FBXO22: variants seen among roughly 807,000 people sequenced by gnomAD.
The protein encoded by FBXO22 is F-box protein 22.
A neutral mutation model predicts 37.2 loss-of-function variants in FBXO22; 13 were observed. The ratio of observed to expected loss-of-function variants is 0.35; its 90% confidence interval spans 0.23 to 0.56. The LOEUF (loss-of-function observed/expected upper bound fraction) is 0.56. Among genes scored for constraint, FBXO22 ranks in the 20% least tolerant of loss-of-function variants. FBXO22 has a pLI of 0.87. For synonymous variants in FBXO22, 189 were observed against 189.1 expected, an observed-to-expected ratio of 1.00 and a Z score of 0.00; for missense variants, 446 against 509.9, an observed-to-expected ratio of 0.87 and a Z score of 1.21.
chr15:75,907,500 T>C (rs1439483512), intron 2 of FBXO22, among the ~76,000 whole-genome samples: 4 of 152,178 alleles, frequency 2.6e-5, no homozygotes, highest in African/African-American at 9.7e-5. Context: ...GAAAACTCTA[T>C]CCAAATCATA....
At position 75,941,276 on chromosome 15, in the gene FBXO22, AACAC is replaced by A. The variant is rs1290207544; in HGVS notation, c.*8178_*8181del. The A allele has an allele frequency of 2.0e-5, 3 of 152,210 alleles. No homozygotes were observed. The highest frequency in any genetic ancestry group is 2.1e-4 in the South Asian group (1 of 4,830). 9.4% of individuals were successfully genotyped at this position (152,210 alleles called of 1,614,324 possible). A position where few individuals can be genotyped will look rare whatever the true frequency, so the allele number is the denominator to read the frequency against. On this transcript the variant is annotated 3_prime_UTR_variant, in exon 7 of 7. Transcript: ENST00000308275. ...GGATAGCTCTTATTAAAATTAAAAAAACACACAAGTGTTGGCAAGGATGTGGAGA... is the reference window on the plus strand; with the variant it reads ...GGATAGCTCTTATTAAAATTAAAAAAACAAGTGTTGGCAAGGATGTGGAGA...
intron 4 of FBXO22, among the ~76,000 whole-genome samples, chr15:75,915,671 G>T (rs1900165465): frequency 6.6e-6 from 1 of 152,016 alleles, no homozygotes; most frequent in African/African-American, 2.4e-5. Context: ...GGAGGCCGAG[G>T]TGGGTGGATC....
chr15:75,922,007 A>G (rs1338568947), intron 5 of FBXO22, among the ~76,000 whole-genome samples: 1 of 150,962 alleles, frequency 6.6e-6, no homozygotes, highest in African/African-American at 2.4e-5. Flanking sequence ...TTTTTTTTTA[A>G]TAAGTAGGAG....
chr15:75,906,184 C>T (rs1224280001), intron 2 of FBXO22, among the ~76,000 whole-genome samples: 1 of 152,008 alleles, frequency 6.6e-6, no homozygotes, highest in Non-Finnish European at 1.5e-5. Flanking sequence ...TTCTTGTTTT[C>T]TGGCACAAGA....
intron 2 of FBXO22, among the ~76,000 whole-genome samples, chr15:75,907,307 T>A (rs1899951646): frequency 6.6e-6 from 1 of 152,188 alleles, no homozygotes; most frequent in Non-Finnish European, 1.5e-5. Context: ...AGAGTTGTTG[T>A]GAGGATTAAA....
chr15:75,907,998 T>C (rs1310774303), intron 2 of FBXO22, among the ~76,000 whole-genome samples: 1 of 152,100 alleles, frequency 6.6e-6, no homozygotes. Context: ...CAGCTTGCCA[T>C]TTGTAACTTC....
chr15:75,923,314 G>A (rs1595916639), intron 5 of FBXO22, among the ~76,000 whole-genome samples: 2 of 152,298 alleles, frequency 1.3e-5, no homozygotes, highest in Admixed American at 1.3e-4. Context: ...CAGAATTATT[G>A]TGCTCTGTGA....
intron 2 of FBXO22, among the ~76,000 whole-genome samples, chr15:75,909,124 G>A (rs1899992017): frequency 1.3e-5 from 2 of 152,058 alleles, no homozygotes; most frequent in South Asian, 4.2e-4. Context: ...ATTTAATTCA[G>A]CTGCTTTGCC....
At position 75,921,301 on chromosome 15, in the gene FBXO22, C is replaced by T. The variant is rs565193860; in HGVS notation, c.628+3907C>T. Among the ~76,000 whole-genome samples, 16 of 152,206 alleles carry T rather than the reference C, an allele frequency of 1.1e-4. No individual in the cohort carries two copies. The East Asian group carries it at 2.9e-3, about 28-fold the overall frequency. ...AGTGAGTGGTGAGTGAATGTGAAGGCCTAGCCCTGTATACTACTATATAGT... is the reference window on the plus strand; with the variant it reads ...AGTGAGTGGTGAGTGAATGTGAAGGTCTAGCCCTGTATACTACTATATAGT... On this transcript the variant is annotated intron_variant, in intron 5 of 6. Transcript: ENST00000308275.
intron 5 of FBXO22, among the ~76,000 whole-genome samples, chr15:75,921,658 C>A (rs1164858936): frequency 6.6e-6 from 1 of 151,606 alleles, no homozygotes; most frequent in African/African-American, 2.4e-5. Context: ...GACTCTATCT[C>A]AAAAAAATAA....
Position 75,933,178 on chromosome 15 carries a change from A to T in FBXO22, c.*76A>T, listed in dbSNP as rs114667891. 1,848 of 1,248,302 alleles carry T rather than the reference A, an allele frequency of 1.5e-3. 23 individuals carry two copies. The African/African-American group carries it at 0.026, about 17-fold the overall frequency. The allele number at this position is 1,248,302 out of a possible 1,614,324, so 77.3% of individuals were successfully genotyped here. On this transcript the variant is annotated 3_prime_UTR_variant, in exon 7 of 7. Coordinates refer to ENST00000308275, the MANE Select transcript of FBXO22 (RefSeq NM_147188.3). ...GAAAATGGAAACTTGGGCCATGTGT[A>T]TTTCAAACAAAAATAACTTTAGATA...
At chr15:75,918,557 A>G (rs1045676259) in intron 5 of FBXO22, among the ~76,000 whole-genome samples, 1 of 152,172 alleles carries the variant, frequency 6.6e-6, no homozygotes, top group African/African-American at 2.4e-5. Context: ...CTGCACTCCC[A>G]TGTTTATTGC....
At chr15:75,926,413 T>A (rs1293834294) in intron 5 of FBXO22, among the ~76,000 whole-genome samples, 3 of 152,212 alleles carry the variant, frequency 2.0e-5, no homozygotes, top group African/African-American at 7.2e-5. Context: ...AGCCATCTGC[T>A]CTATCAGGCA....
chr15:75,926,677 G>A (rs753950544), intron 5 of FBXO22, among the ~76,000 whole-genome samples: 15 of 152,152 alleles, frequency 9.9e-5, no homozygotes, highest in Non-Finnish European at 1.9e-4. Flanking sequence ...AGTCACAAAC[G>A]AGTGGCTGTG....
At chr15:75,912,855 T>C (rs1900092397) in intron 2 of FBXO22, among the ~76,000 whole-genome samples, 1 of 152,210 alleles carries the variant, frequency 6.6e-6, no homozygotes, top group South Asian at 2.1e-4. Flanking sequence ...AATTGTGATG[T>C]TAGGGTGTCA....
chr15:75,931,849 A>T (rs908146023), intron 6 of FBXO22, among the ~76,000 whole-genome samples: 1 of 152,274 alleles, frequency 6.6e-6, no homozygotes, highest in Non-Finnish European at 1.5e-5. Context: ...AATAAACAAG[A>T]CAAAAAAATA....
intron 5 of FBXO22, 45 bp downstream of exon 5, chr15:75,917,439 A>G: frequency 7.0e-7 from 1 of 1,426,946 alleles, no homozygotes; most frequent in South Asian, 1.3e-5. Flanking sequence ...TTATTGATTA[A>G]TTTTGTTTTC....
At chr15:75,928,929 C>G (rs1307522498) in intron 5 of FBXO22, among the ~76,000 whole-genome samples, 2 of 152,194 alleles carry the variant, frequency 1.3e-5, no homozygotes, top group African/African-American at 4.8e-5. Flanking sequence ...CGCCTTTACT[C>G]TCACCTGCTT....
Position 75,932,849 on chromosome 15 carries a change from T to G in FBXO22, c.959T>G (p.Ile320Ser). The G allele has an allele frequency of 6.2e-7, 1 of 1,614,272 alleles. No individual in the cohort carries two copies. The highest frequency in any genetic ancestry group is 2.2e-5 in the East Asian group (1 of 44,890). ...KAANIPEHNT[I>S]GFMFACVGRG... is the part of the protein sequence containing the mutation. ...GCCAACATTCCAGAGCATAACACCA[T>G]TGGCTTCATGTTTGCATGCGTTGGC... Residue 320 changes from isoleucine to serine, a missense_variant, in exon 7 of 7, where the codon ATT becomes AGT. By Grantham distance (142) the Ile-to-Ser change is moderately radical. This residue lies in a region of FBXO22 where 315 missense variants were observed against 410.1 expected (regional missense o/e 0.77). Transcript: ENST00000308275.
Sources: allele counts gnomAD v4.1 joint callset (sites outside exome capture counted in the v4.1 genomes callset), GRCh38; gene constraint gnomAD v4.1.1; regional missense constraint gnomAD v4.1.1; transcripts MANE v1.5; gene names NCBI Gene and HGNC (gene_info 2026-07-23, HGNC 2026-07-21).